Variants in BEGAIN observed in about 807,000 individuals in gnomAD.
The protein encoded by BEGAIN is brain-enriched guanylate kinase-associated protein.
Under a neutral mutation model 35.8 loss-of-function variants are expected in BEGAIN, and 19 were observed. That is an observed-to-expected ratio of 0.53 (90% CI 0.37 to 0.78). The LOEUF (loss-of-function observed/expected upper bound fraction) is 0.78, where lower values mean the gene tolerates loss of function less well. Ranked by LOEUF, BEGAIN falls within the 30% of genes least tolerant of loss-of-function variation. The probability of loss-of-function intolerance (pLI) is 0.00; values close to 1 mark genes in which losing one functional copy is unlikely to be tolerated. For missense variants in BEGAIN, 795 were observed against 853.6 expected (o/e 0.93, Z 0.85); for synonymous variants, 462 against 388.6 (o/e 1.19, Z -2.22).
At position 100,567,843 on chromosome 14, in the gene BEGAIN, G is replaced by A. The variant is rs1292589332; in HGVS notation, c.71+68C>T. The A allele has an allele frequency of 5.9e-6, 7 of 1,190,072 alleles. No homozygotes were observed. In the East Asian group the frequency reaches 1.3e-4, roughly 22 times the overall value. The allele number at this position is 1,190,072 out of a possible 1,614,324, so 73.7% of individuals were successfully genotyped here. On this transcript the variant is annotated intron_variant, in intron 2 of 6. Coordinates refer to ENST00000554140, the MANE Select transcript of BEGAIN (RefSeq NM_001385089.1). This position sits in a 1 kb window ranked among gnomAD's most constrained non-coding sequence, Gnocchi z 5.1. Reference sequence around the variant, plus strand: ...CGCTCGGGTGGAGCCCCCTTCCCCCGCCTTCCCCAGCGCCCTCACCCCCGA... The same window carrying A: ...CGCTCGGGTGGAGCCCCCTTCCCCCACCTTCCCCAGCGCCCTCACCCCCGA...
chr14:100,543,282 G>A (rs1045152163), intron 5 of BEGAIN, among the ~76,000 whole-genome samples: 3 of 151,594 alleles, frequency 2.0e-5, no homozygotes, highest in Non-Finnish European at 2.9e-5. Context: ...TGAACTCCAC[G>A]TGGCCAGAGG....
Position 100,568,306 on chromosome 14 carries a change from C to CTCCCCCCCCCCCCCCCCCTTACCCCTTCT in BEGAIN, c.43-368_43-367insAGAAGGGGTAAGGGGGGGGGGGGGGGGGA. 1 of 766,256 alleles carries CTCCCCCCCCCCCCCCCCCTTACCCCTTCT rather than the reference C, an allele frequency of 1.3e-6. No homozygotes were observed. The highest frequency in any genetic ancestry group is 1.6e-5 in the South Asian group (1 of 61,718). 47.5% of individuals were successfully genotyped at this position (766,256 alleles called of 1,614,324 possible). A position where few individuals can be genotyped will look rare whatever the true frequency, so the allele number is the denominator to read the frequency against. On this transcript the variant is annotated intron_variant, in intron 1 of 6. Transcript: ENST00000554140. This position sits in a 1 kb window ranked among gnomAD's most constrained non-coding sequence, Gnocchi z 7.5. ...CTCTCCGGCGGCCGCGGCCCCGCTG[C>CTCCCCCCCCCCCCCCCCCTTACCCCTTCT]TCCCCCCGCCCCGCCCGTTAACCCT... is the stretch of plus-strand genomic sequence containing the variant.
At chr14:100,559,067 T>TG (rs2034012681) in intron 2 of BEGAIN, among the ~76,000 whole-genome samples, 1 of 152,116 alleles carries the variant, frequency 6.6e-6, no homozygotes, top group Non-Finnish European at 1.5e-5. Flanking sequence ...ATCCTCTTCC[T>TG]GGGGGCCCCA....
chr14:100,570,228 T>G (rs2035034015), intron 1 of BEGAIN, among the ~76,000 whole-genome samples: 2 of 152,226 alleles, frequency 1.3e-5, no homozygotes, highest in African/African-American at 2.4e-5. Context: ...CATTGAATGT[T>G]TCAGCCCTTC....
intron 2 of BEGAIN, among the ~76,000 whole-genome samples, chr14:100,551,503 T>C (rs1444558569): frequency 6.6e-6 from 1 of 152,228 alleles, no homozygotes; most frequent in Admixed American, 6.5e-5. Context: ...AAAAGAGCCG[T>C]ATAATCCCAT....
At chr14:100,580,036 G>A (rs2035284039) in intron 1 of BEGAIN, among the ~76,000 whole-genome samples, 1 of 152,244 alleles carries the variant, frequency 6.6e-6, no homozygotes, top group Admixed American at 6.5e-5. Flanking sequence ...CGGGTGCGGT[G>A]GCTCACGCCT....
chr14:100,582,977 T>C (rs1479321090), intron 1 of BEGAIN, among the ~76,000 whole-genome samples: 1 of 151,176 alleles, frequency 6.6e-6, no homozygotes, highest in Non-Finnish European at 1.5e-5. Context: ...ATGAGTGACC[T>C]GAAGCTTCAC....
intron 2 of BEGAIN, among the ~76,000 whole-genome samples, chr14:100,562,831 T>A (rs1476043152): frequency 6.6e-6 from 1 of 152,200 alleles, no homozygotes; most frequent in Admixed American, 6.5e-5. Flanking sequence ...GTCACCGTGA[T>A]ATTTATTTAA....
At chr14:100,546,720 C>T in intron 2 of BEGAIN, 58 bp from the exon 3 acceptor site, 3 of 1,477,694 alleles carry the variant, frequency 2.0e-6, no homozygotes, top group East Asian at 2.7e-5. Flanking sequence ...GAAACTAAGG[C>T]CCGCAGGCCA....
chr14:100,586,989 C>G lies in BEGAIN; in HGVS notation c.42+260G>C, dbSNP rs2035458229. On this transcript the variant is annotated intron_variant, in intron 1 of 6. Transcript: ENST00000554140. The surrounding 1 kb of genome is among the most constrained non-coding windows in gnomAD (Gnocchi z 4.9). ...CGCGTGTCAGGGCGCAAGGACCCCG[C>G]GATAGGACCCGGGCGCTCCCGGCGG... Among the ~76,000 whole-genome samples the G allele has an allele frequency of 6.6e-6, 1 of 151,824 alleles. No individual in the cohort carries two copies. Among genetic ancestry groups the G allele is most frequent in the African/African-American group, 2.4e-5 (1 of 41,390 alleles).
intron 2 of BEGAIN, chr14:100,550,463 G>A: frequency 2.5e-6 from 1 of 399,362 alleles, no homozygotes; most frequent in Non-Finnish European, 4.4e-6. Flanking sequence ...CGGCCCTGCA[G>A]TACTCGGGGC....
At chr14:100,557,851 G>A (rs764198155) in intron 2 of BEGAIN, among the ~76,000 whole-genome samples, 3 of 152,080 alleles carry the variant, frequency 2.0e-5, no homozygotes, top group Non-Finnish European at 4.4e-5. Context: ...AGATGACCTC[G>A]CTTCCTTTTC....
intron 5 of BEGAIN, among the ~76,000 whole-genome samples, chr14:100,541,505 C>T (rs555737181): frequency 3.9e-4 from 60 of 152,392 alleles, no homozygotes; most frequent in African/African-American, 1.3e-3. Context: ...TTGGCCTACA[C>T]GGTGGAGGGC....
intron 2 of BEGAIN, among the ~76,000 whole-genome samples, chr14:100,557,968 G>A (rs534884753): frequency 2.6e-5 from 4 of 152,232 alleles, no homozygotes; most frequent in African/African-American, 7.2e-5. Context: ...GCCGCCCACC[G>A]TTACTTACAG....
rs189501251 is a variant in BEGAIN at position 100,555,306 on chromosome 14, G to A, written c.72-8644C>T. Among the ~76,000 whole-genome samples the A allele has an allele frequency of 4.2e-3, 642 of 152,364 alleles. 3 individuals are homozygous for A. Among genetic ancestry groups the A allele is most frequent in the Non-Finnish European group, 7.7e-3 (523 of 68,034 alleles). On this transcript the variant is annotated intron_variant, in intron 2 of 6. Coordinates refer to ENST00000554140, the MANE Select transcript of BEGAIN (RefSeq NM_001385089.1). ...GGTGGGCAGAATCGCCTCGCCTGGCGGAGCCTCTCCTGTGCCGGTGGCCTG... is the reference window on the plus strand; with the variant it reads ...GGTGGGCAGAATCGCCTCGCCTGGCAGAGCCTCTCCTGTGCCGGTGGCCTG...
In BEGAIN at chr14:100,538,688, C is replaced by T. The variant is rs766913603; in HGVS notation, c.1120G>A (p.Ala374Thr). The change falls in exon 7 of 7, where the codon GCG (alanine) becomes ACG (threonine). Residue 374 changes from alanine to threonine, a missense_variant. Physicochemically the swap from Ala to Thr is moderately conservative, Grantham distance 58. Around this residue, in one of 3 missense-constraint regions of BEGAIN, gnomAD observed 664 missense variants for 647.7 expected, o/e 1.03. Transcript: ENST00000554140. ...GSPRFAKATAAVAAPLEAEVA... is the reference protein window; with the variant it reads ...GSPRFAKATATVAAPLEAEVA... The stretch of plus-strand genomic sequence containing the variant: ...TCGGCCTCCAGCGGGGCCGCCACCG[C>T]GGCCGTGGCCTTGGCAAAGCGAGGG... 14 of 1,554,402 alleles carry T rather than the reference C, an allele frequency of 9.0e-6. No individual in the cohort carries two copies. The highest frequency in any genetic ancestry group is 1.7e-4 in the Middle Eastern group (1 of 6,014).
intron 1 of BEGAIN, chr14:100,569,155 T>G: frequency 6.4e-6 from 1 of 155,702 alleles, no homozygotes; most frequent in Non-Finnish European, 1.4e-5. Flanking sequence ...ACCTGAAAGC[T>G]GGGGGGAAGG....
Position 100,538,767 on chromosome 14 carries a change from G to C in BEGAIN, c.1041C>G (p.Asn347Lys), listed in dbSNP as rs201436578. The change falls in exon 7 of 7, where the codon AAC becomes AAG. Residue 347 changes from asparagine (N) to lysine (K), a missense_variant. Transcript: ENST00000554140. The part of the protein sequence containing the change: ...LTASQQAIYL[N>K]SRDELFDRKP... Reference sequence around the variant, plus strand: ...TGCGGTCGAAGAGCTCGTCGCGGCTGTTCAGGTAGATGGCCTGCTGCGACG... The same window carrying C: ...TGCGGTCGAAGAGCTCGTCGCGGCTCTTCAGGTAGATGGCCTGCTGCGACG... 1.3e-6 allele frequency: 2 copies of C among 1,587,488 alleles called. No homozygotes were observed. Among genetic ancestry groups the C allele is most frequent in the African/African-American group, 1.3e-5 (1 of 74,606 alleles).
At position 100,563,437 on chromosome 14, in the gene BEGAIN, G is replaced by A. The variant is rs576939138; in HGVS notation, c.71+4474C>T. On this transcript the variant is annotated intron_variant, in intron 2 of 6. Coordinates refer to ENST00000554140, the MANE Select transcript of BEGAIN (RefSeq NM_001385089.1). This position sits in a 1 kb window ranked among gnomAD's most constrained non-coding sequence, Gnocchi z 4.2. ...AAGAACTTTTGTTCATAGAAGGACC[G>A]TGTGAACAGCGAGACGCGGCGTCCC... Among the ~76,000 whole-genome samples, 18 of 152,356 alleles carry A rather than the reference G, an allele frequency of 1.2e-4. No individual in the cohort carries two copies. Among genetic ancestry groups the A allele is most frequent in the East Asian group, 7.7e-4 (4 of 5,190 alleles).
Sources: gnomAD v4.1 joint callset for allele counts (sites outside exome capture counted in the v4.1 genomes callset) on GRCh38, gnomAD v4.1.1 for gene constraint, gnomAD v4.1.1 regional missense constraint, Gnocchi (gnomAD v3.1) non-coding constraint, MANE v1.5 for transcripts, NCBI Gene and HGNC (gene_info 2026-07-23, HGNC 2026-07-21) for gene names.